The following BRCA1 variants were observed in gnomAD, a reference collection of about 807,000 sequenced individuals.
BRCA1 encodes the protein breast cancer type 1 susceptibility protein.
A neutral mutation model predicts 173.7 loss-of-function variants in BRCA1; 140 were observed. The observed-to-expected ratio is 0.81, with a 90% CI of 0.70 to 0.93. The LOEUF is 0.93. Ranked by LOEUF, BRCA1 falls within the 40% of genes least tolerant of loss-of-function variation. The pLI is 0.00. For missense variants in BRCA1, 1,983 were observed against 2,172.5 expected (o/e 0.91, Z 1.73); for synonymous variants, 662 against 756.0 (o/e 0.88, Z 2.04).
intron 12 of BRCA1, among the ~76,000 whole-genome samples, chr17:43,081,784 G>A (rs2053011188): frequency 6.6e-6 from 1 of 152,128 alleles, no homozygotes; most frequent in Admixed American, 6.6e-5. Flanking sequence ...AACTGCATCT[G>A]CCTGGTTACT....
intron 1 of BRCA1, chr17:43,140,008 T>C: frequency 2.2e-6 from 1 of 454,200 alleles, no homozygotes; most frequent in East Asian, 6.3e-5. Flanking sequence ...TGACTCTTGG[T>C]GGGCTCCTTA....
At chr17:43,100,615 T>C (rs2054372785) in intron 6 of BRCA1, among the ~76,000 whole-genome samples, 1 of 83,668 alleles carries the variant, frequency 1.2e-5, no homozygotes, top group Non-Finnish European at 2.1e-5. Context: ...ATAACATATA[T>C]ATAACATATA....
intron 3 of BRCA1, among the ~76,000 whole-genome samples, chr17:43,108,175 T>A (rs185939239): frequency 6.6e-6 from 1 of 151,940 alleles, no homozygotes; most frequent in African/African-American, 2.4e-5. Context: ...CTGTCTCTAC[T>A]AAATATTCAA....
chr17:43,140,660 C>T (rs575331616), intron 1 of BRCA1, among the ~76,000 whole-genome samples: 4 of 152,300 alleles, frequency 2.6e-5, no homozygotes, highest in South Asian at 4.1e-4. Context: ...AGCAGAACCA[C>T]GGCTGGCTCC....
At position 43,106,452 on chromosome 17, in the gene BRCA1, A is replaced by G. The variant is rs398122652; in HGVS notation, c.212+4T>C. On this transcript the variant is annotated splice_donor_region_variant and intron_variant, in intron 4 of 22. Transcript: ENST00000357654. ...CAACCTAGCATCATTACCAAATTAT[A>G]TACCTTTTGGTTATATCATTCTTAC... 3 of 1,572,546 alleles carry G rather than the reference A, an allele frequency of 1.9e-6. No homozygotes were observed. Among genetic ancestry groups the G allele is most frequent in the Middle Eastern group, 3.6e-4 (2 of 5,614 alleles).
At chr17:43,102,243 C>T (rs2054510581) in intron 6 of BRCA1, among the ~76,000 whole-genome samples, 1 of 150,618 alleles carries the variant, frequency 6.6e-6, no homozygotes, top group South Asian at 2.1e-4. Flanking sequence ...GCTAATTTTT[C>T]TGTGTTTTTA....
chr17:43,134,210 C>T (rs1433147167), intron 1 of BRCA1, among the ~76,000 whole-genome samples: 1 of 152,190 alleles, frequency 6.6e-6, no homozygotes, highest in African/African-American at 2.4e-5. Context: ...CTGGTGGGCT[C>T]ATGGTCCATT....
intron 3 of BRCA1, among the ~76,000 whole-genome samples, chr17:43,108,687 A>G (rs1260180213): frequency 2.8e-5 from 4 of 143,738 alleles, no homozygotes; most frequent in African/African-American, 7.8e-5. Context: ...ACCCTGGGCA[A>G]CAGAGGAAGA....
chr17:43,094,560 C>A lies in BRCA1; in HGVS notation c.971G>T (p.Ser324Ile), dbSNP rs1462728426. The part of the protein sequence containing the change: ...ARSQHNRWAG[S>I]KETCNDRRTP... ...CCGCCTATCATTACATGTTTCCTTACTTCCAGCCCATCTGTTATGTTGGCT... is the reference window on the plus strand; with the variant it reads ...CCGCCTATCATTACATGTTTCCTTAATTCCAGCCCATCTGTTATGTTGGCT... The change falls in exon 10 of 23, where the codon AGT becomes ATT. Residue 324 changes from serine to isoleucine, a missense_variant. By Grantham distance (142) the Ser-to-Ile change is moderately radical. Transcript: ENST00000357654. 1 of 1,614,192 alleles carries A rather than the reference C, an allele frequency of 6.2e-7. No individual in the cohort carries two copies. Among genetic ancestry groups the A allele is most frequent in the East Asian group, 2.2e-5 (1 of 44,890 alleles).
At chr17:43,105,932 G>C (rs974681173) in intron 4 of BRCA1, among the ~76,000 whole-genome samples, 1 of 151,940 alleles carries the variant, frequency 6.6e-6, no homozygotes, top group Non-Finnish European at 1.5e-5. Flanking sequence ...GGAGTTACCA[G>C]CCTGGGCAAC....
chr17:43,057,761 G>A lies in BRCA1; in HGVS notation c.5194-626C>T, dbSNP rs1201999718. On this transcript the variant is annotated intron_variant, in intron 18 of 22. Transcript: ENST00000357654. Reference sequence around the variant, plus strand: ...TGAGGCAGGAGAATGGCGTGAACCCGGGAGGCGGAGCTTGCAGTGAGCGGA... The same window carrying A: ...TGAGGCAGGAGAATGGCGTGAACCCAGGAGGCGGAGCTTGCAGTGAGCGGA... 2.8e-5 allele frequency among the ~76,000 whole-genome samples: 4 copies of A among 145,438 alleles called. No individual in the cohort carries two copies. The East Asian group carries it at 8.5e-4, about 31-fold the overall frequency.
intron 6 of BRCA1, among the ~76,000 whole-genome samples, chr17:43,100,635 T>TATATATAAC (rs2054385495): frequency 1.2e-5 from 1 of 80,250 alleles, no homozygotes; most frequent in African/African-American, 4.8e-5. Flanking sequence ...ATATATGTTA[T>TATATATAAC]ATATATATAA....
chr17:43,104,070 G>T, intron 6 of BRCA1, 52 bp downstream of exon 6: 2 of 704,970 alleles, frequency 2.8e-6, no homozygotes, highest in Non-Finnish European at 4.0e-6. Flanking sequence ...AAAAAAAAAA[G>T]AAAAAAAAAA....
intron 10 of BRCA1, 89 bp downstream of exon 10, chr17:43,091,346 A>G: frequency 6.5e-7 from 1 of 1,530,428 alleles, no homozygotes; most frequent in Non-Finnish European, 9.0e-7. Flanking sequence ...TATACTTGGA[A>G]ATTTGTAAAA....
chr17:43,058,138 G>T (rs1205457024), intron 18 of BRCA1, among the ~76,000 whole-genome samples: 1 of 151,996 alleles, frequency 6.6e-6, no homozygotes, highest in Admixed American at 6.6e-5. Context: ...GGAGGCTGAG[G>T]CAGGAGGACA....
chr17:43,167,900 T>G (rs2056278526), intron 1 of BRCA1: 2 of 159,706 alleles, frequency 1.3e-5, no homozygotes, highest in South Asian at 3.4e-4. Context: ...CCTGCCCCAG[T>G]GCAGAACCAA....
chr17:43,114,074 CA>C (rs541592598), intron 3 of BRCA1, among the ~76,000 whole-genome samples: 228 of 135,206 alleles, frequency 1.7e-3, no homozygotes, highest in Middle Eastern at 3.8e-3. Context: ...AACACCATCT[CA>C]AAAAAAAAAA....
intron 1 of BRCA1, chr17:43,161,567 G>A (rs1006381311): frequency 2.6e-5 from 4 of 152,148 alleles, no homozygotes; most frequent in African/African-American, 9.7e-5. Flanking sequence ...AGTCCCGGTG[G>A]GATTCTGGGT....
chr17:43,091,207 G>A (rs2053457125), intron 10 of BRCA1, 175 bp from the exon 11 acceptor site: 2 of 855,642 alleles, frequency 2.3e-6, no homozygotes, highest in Non-Finnish European at 3.8e-6. Context: ...CCAGAAGTAA[G>A]TCCACCAGTA....
Sources: allele counts gnomAD v4.1 joint callset (sites outside exome capture counted in the v4.1 genomes callset), GRCh38; gene constraint gnomAD v4.1.1; transcripts MANE v1.5; gene names NCBI Gene and HGNC (gene_info 2026-07-23, HGNC 2026-07-21).